Variants in DCUN1D3 observed in about 807,000 individuals in gnomAD.
The protein encoded by DCUN1D3 is defective in cullin neddylation 1 domain containing 3, also known as DCN1-like protein 3.
A neutral mutation model predicts 24.8 loss-of-function variants in DCUN1D3; 6 were observed. That is an observed-to-expected ratio of 0.24 (90% CI 0.13 to 0.48). DCUN1D3 has a LOEUF of 0.48. Ranked by LOEUF, DCUN1D3 falls within the 20% of genes least tolerant of loss-of-function variation. The pLI is 0.99. For missense variants in DCUN1D3, 258 were observed against 379.4 expected (o/e 0.68, Z 2.66); for synonymous variants, 120 against 144.9 (o/e 0.83, Z 1.24).
chr16:20,878,000 C>G (rs982305110), intron 1 of DCUN1D3, among the ~76,000 whole-genome samples: 1 of 152,168 alleles, frequency 6.6e-6, no homozygotes, highest in African/African-American at 2.4e-5. Flanking sequence ...CAGGGTCTTG[C>G]TATGTTGCCC....
chr16:20,899,517 C>T (rs2081948047), intron 1 of DCUN1D3, among the ~76,000 whole-genome samples: 1 of 150,508 alleles, frequency 6.6e-6, no homozygotes, highest in Admixed American at 6.6e-5. Flanking sequence ...CACTAAGTGC[C>T]ATAAAGGAGG....
chr16:20,895,372 T>A (rs994128391), intron 1 of DCUN1D3, among the ~76,000 whole-genome samples: 7 of 152,124 alleles, frequency 4.6e-5, no homozygotes, highest in African/African-American at 1.7e-4. Flanking sequence ...GGGGCAGGTA[T>A]TTGTAGTAGC....
chr16:20,870,075 T>C (rs1192624050), intron 1 of DCUN1D3, among the ~76,000 whole-genome samples: 1 of 152,166 alleles, frequency 6.6e-6, no homozygotes, highest in Non-Finnish European at 1.5e-5. Context: ...TCCTGAGCAA[T>C]GTGCACTCTC....
chr16:20,891,995 C>A (rs911555779), intron 1 of DCUN1D3, among the ~76,000 whole-genome samples: 4 of 152,094 alleles, frequency 2.6e-5, no homozygotes, highest in African/African-American at 9.7e-5. Flanking sequence ...CTCCCCAGTC[C>A]ACAATACCAC....
At chr16:20,881,564 G>A (rs1016630898) in intron 1 of DCUN1D3, among the ~76,000 whole-genome samples, 3 of 151,896 alleles carry the variant, frequency 2.0e-5, no homozygotes, top group African/African-American at 2.4e-5. Flanking sequence ...CTTGATAAAC[G>A]TTCCCTCCAT....
chr16:20,897,322 C>T (rs2081920507), intron 1 of DCUN1D3, among the ~76,000 whole-genome samples: 1 of 152,182 alleles, frequency 6.6e-6, no homozygotes, highest in Admixed American at 6.5e-5. Context: ...AGCAGCACAC[C>T]ATTAGAGATG....
chr16:20,867,539 A>G (rs2081768638), intron 1 of DCUN1D3, among the ~76,000 whole-genome samples: 1 of 152,248 alleles, frequency 6.6e-6, no homozygotes, highest in Non-Finnish European at 1.5e-5. Context: ...CCACTGGCTA[A>G]TTGTTTGACC....
chr16:20,859,731 A>T lies in DCUN1D3; in HGVS notation c.*155T>A, dbSNP rs1290075439. The T allele has an allele frequency of 9.6e-7, 1 of 1,045,532 alleles. No individual in the cohort carries two copies. The highest frequency in any genetic ancestry group is 1.6e-5 in the African/African-American group (1 of 62,610). 64.8% of individuals were successfully genotyped at this position (1,045,532 alleles called of 1,614,324 possible). A position where few individuals can be genotyped will look rare whatever the true frequency, so the allele number is the denominator to read the frequency against. On this transcript the variant is annotated 3_prime_UTR_variant, in exon 3 of 3. Coordinates refer to ENST00000324344, the MANE Select transcript of DCUN1D3 (RefSeq NM_173475.4). ...AAAAAATGAAGAAAGTGCCTAAAAC[A>T]TGATACAGCATTTTAGAGCCCTTTC...
intron 1 of DCUN1D3, among the ~76,000 whole-genome samples, chr16:20,869,613 G>A (rs1374957215): frequency 6.6e-6 from 1 of 152,154 alleles, no homozygotes; most frequent in African/African-American, 2.4e-5. Flanking sequence ...CTATAAGCAT[G>A]AAATGGAAAG....
At chr16:20,865,908 C>T (rs1221463844) in intron 1 of DCUN1D3, among the ~76,000 whole-genome samples, 2 of 152,130 alleles carry the variant, frequency 1.3e-5, no homozygotes, top group Non-Finnish European at 1.5e-5. Flanking sequence ...CATATCAAGG[C>T]CTGTCCCCTT....
At chr16:20,883,382 G>A (rs1275556119) in intron 1 of DCUN1D3, among the ~76,000 whole-genome samples, 1 of 152,054 alleles carries the variant, frequency 6.6e-6, no homozygotes, top group Non-Finnish European at 1.5e-5. Flanking sequence ...GCATGGTGGC[G>A]GGCACCTGTA....
In DCUN1D3 at chr16:20,858,784, C is replaced by T. The variant is rs1191399311; in HGVS notation, c.*1102G>A. ...TTGTTTGGCAGAGTTCAGGCCAACC[C>T]CAGGCTTCTGCCCTTGCCAGACAAG... On this transcript the variant is annotated 3_prime_UTR_variant, in exon 3 of 3. Coordinates refer to ENST00000324344, the MANE Select transcript of DCUN1D3 (RefSeq NM_173475.4). 2 of 129,904 alleles carry T rather than the reference C, an allele frequency of 1.5e-5. No individual in the cohort carries two copies. The highest frequency in any genetic ancestry group is 1.6e-4 in the Admixed American group (2 of 12,162). The allele number at this position is 129,904 out of a possible 1,614,324, so 8.0% of individuals were successfully genotyped here. A position where few individuals can be genotyped will look rare whatever the true frequency, so the allele number is the denominator to read the frequency against.
intron 1 of DCUN1D3, among the ~76,000 whole-genome samples, chr16:20,875,263 G>A (rs2081809073): frequency 6.8e-6 from 1 of 146,404 alleles, no homozygotes; most frequent in Non-Finnish European, 1.5e-5. Context: ...CACAAATGTT[G>A]CATCCAACAA....
intron 1 of DCUN1D3, among the ~76,000 whole-genome samples, chr16:20,882,697 G>T (rs1398330934): frequency 6.6e-6 from 1 of 152,202 alleles, no homozygotes; most frequent in Non-Finnish European, 1.5e-5. Flanking sequence ...CAAGTAGCTG[G>T]CAACATATAA....
chr16:20,863,113 T>G (rs1189502001), intron 1 of DCUN1D3, among the ~76,000 whole-genome samples: 1 of 152,180 alleles, frequency 6.6e-6, no homozygotes, highest in East Asian at 1.9e-4. Context: ...TTCAGAACAA[T>G]AGTCTCATAA....
intron 1 of DCUN1D3, among the ~76,000 whole-genome samples, chr16:20,870,518 G>C (rs1416169864): frequency 1.3e-5 from 2 of 152,148 alleles, no homozygotes; most frequent in Non-Finnish European, 2.9e-5. Context: ...ATGCATGTTG[G>C]CTACTACTAA....
rs554287267 is a variant in DCUN1D3 at position 20,886,164 on chromosome 16, T to C, written c.-106+14040A>G. 3.9e-5 allele frequency among the ~76,000 whole-genome samples: 6 copies of C among 152,174 alleles called. No homozygotes were observed. In the South Asian group the frequency reaches 1.2e-3, roughly 32 times the overall value. On this transcript the variant is annotated intron_variant, in intron 1 of 2. Coordinates refer to ENST00000324344, the MANE Select transcript of DCUN1D3 (RefSeq NM_173475.4). ...TTGTCACAAATGCAAAAAAAGAAAT[T>C]TGTCAATTTGCTTGAGTTAGTCAAG...
intron 1 of DCUN1D3, among the ~76,000 whole-genome samples, chr16:20,888,000 T>C (rs2081874987): frequency 6.6e-6 from 1 of 152,218 alleles, no homozygotes; most frequent in African/African-American, 2.4e-5. Flanking sequence ...GAAGTTTCCA[T>C]TACAGAGTCA....
At chr16:20,890,296 G>A (rs898584135) in intron 1 of DCUN1D3, among the ~76,000 whole-genome samples, 6 of 152,038 alleles carry the variant, frequency 3.9e-5, no homozygotes, top group African/African-American at 1.4e-4. Context: ...CCTGCAGCTG[G>A]CATCTGAAGT....
Sources: gnomAD v4.1 joint callset for allele counts (sites outside exome capture counted in the v4.1 genomes callset) on GRCh38, gnomAD v4.1.1 for gene constraint, MANE v1.5 for transcripts, NCBI Gene and HGNC (gene_info 2026-07-23, HGNC 2026-07-21) for gene names.